AGBL4: variants seen among roughly 807,000 people sequenced by gnomAD.
AGBL4 encodes cytosolic carboxypeptidase 6.
Under a neutral mutation model 66.4 loss-of-function variants are expected in AGBL4, and 58 were observed. The ratio of observed to expected loss-of-function variants is 0.87; its 90% CI spans 0.71 to 1.09. AGBL4 has a LOEUF of 1.09. Among genes scored for constraint, AGBL4 ranks in the 50% least tolerant of loss-of-function variants. The probability of loss-of-function intolerance (pLI) is 0.00; values close to 1 mark genes in which losing one functional copy is unlikely to be tolerated. For synonymous variants in AGBL4, 234 were observed against 222.9 expected, an observed-to-expected ratio of 1.05 and a Z score of -0.44; for missense variants, 579 against 631.0, an observed-to-expected ratio of 0.92 and a Z score of 0.88.
intron 8 of AGBL4, 71 bp from the exon 9 acceptor site, chr1:48,634,675 T>G: frequency 9.4e-7 from 1 of 1,063,700 alleles, no homozygotes; most frequent in Non-Finnish European, 1.4e-6. Flanking sequence ...AAAATATGCT[T>G]ATGAGTAGGA....
intron 6 of AGBL4, among the ~76,000 whole-genome samples, chr1:48,772,583 G>T (rs1039039272): frequency 3.9e-5 from 6 of 152,162 alleles, no homozygotes; most frequent in African/African-American, 1.4e-4. Flanking sequence ...GATAGAGCTG[G>T]TCTAAGGAGG....
intron 3 of AGBL4, among the ~76,000 whole-genome samples, chr1:49,298,647 T>TC (rs1644687452): frequency 7.3e-6 from 1 of 137,750 alleles, no homozygotes; most frequent in African/African-American, 2.8e-5. Flanking sequence ...CCTCCCTCCC[T>TC]CCTCCTTCTT....
intron 5 of AGBL4, among the ~76,000 whole-genome samples, chr1:49,003,202 A>G (rs1266778842): frequency 6.6e-6 from 1 of 152,194 alleles, no homozygotes; most frequent in East Asian, 1.9e-4. Flanking sequence ...GTTCACGACC[A>G]CCCTGACTAA....
intron 2 of AGBL4, among the ~76,000 whole-genome samples, chr1:49,837,533 TCAAC>T (rs1645882205): frequency 4.6e-5 from 7 of 152,176 alleles, no homozygotes. Flanking sequence ...TCCACTAGTG[TCAAC>T]TATGACAATT....
At chr1:49,918,488 G>A (rs1386676863) in intron 1 of AGBL4, among the ~76,000 whole-genome samples, 4 of 152,164 alleles carry the variant, frequency 2.6e-5, no homozygotes, top group Admixed American at 2.0e-4. Flanking sequence ...AAATCTAGAA[G>A]AAATGGATAA....
chr1:49,970,730 C>CAA (rs1387888105), intron 1 of AGBL4, among the ~76,000 whole-genome samples: 2 of 126,604 alleles, frequency 1.6e-5, no homozygotes, highest in Non-Finnish European at 3.4e-5. Context: ...CACACACACA[C>CAA]ACACACACAC....
At chr1:49,314,335 A>G (rs186434790) in intron 3 of AGBL4, among the ~76,000 whole-genome samples, 1 of 152,010 alleles carries the variant, frequency 6.6e-6, no homozygotes, top group East Asian at 1.9e-4. Flanking sequence ...TGCACCTATT[A>G]ACTCGTCATC....
chr1:49,395,568 TTA>T (rs1012322067), intron 3 of AGBL4, among the ~76,000 whole-genome samples: 1 of 143,876 alleles, frequency 7.0e-6, no homozygotes, highest in Non-Finnish European at 1.5e-5. Context: ...GTGTGTGATA[TTA>T]TATATATACA....
At chr1:49,896,520 G>T (rs1649221361) in intron 1 of AGBL4, among the ~76,000 whole-genome samples, 1 of 151,056 alleles carries the variant, frequency 6.6e-6, no homozygotes, top group Non-Finnish European at 1.5e-5. Context: ...AAACTATTCT[G>T]AAAAAATAGA....
At chr1:49,488,151 T>G (rs1248394760) in intron 3 of AGBL4, among the ~76,000 whole-genome samples, 3 of 151,892 alleles carry the variant, frequency 2.0e-5, no homozygotes, top group Admixed American at 2.0e-4. Context: ...GTTAATATTT[T>G]GCCAGCTTCT....
At chr1:49,722,488 A>T (rs995576446) in intron 2 of AGBL4, among the ~76,000 whole-genome samples, 4 of 152,188 alleles carry the variant, frequency 2.6e-5, no homozygotes, top group Non-Finnish European at 5.9e-5. Context: ...ACATATTAAG[A>T]GCTATTAACC....
At chr1:49,821,827 G>A (rs979296106) in intron 2 of AGBL4, among the ~76,000 whole-genome samples, 2 of 152,182 alleles carry the variant, frequency 1.3e-5, no homozygotes, top group African/African-American at 4.8e-5. Flanking sequence ...GAATTCAGCT[G>A]TAGATTAATT....
At chr1:49,844,786 T>G in intron 2 of AGBL4, 1 of 1,575,728 alleles carries the variant, frequency 6.3e-7, no homozygotes, top group Non-Finnish European at 8.7e-7. Context: ...AAGATTCCTC[T>G]GGGATGGTCT....
chr1:49,483,737 A>G (rs1452090860), intron 3 of AGBL4, among the ~76,000 whole-genome samples: 1 of 151,938 alleles, frequency 6.6e-6, no homozygotes, highest in Non-Finnish European at 1.5e-5. Flanking sequence ...CAAAGTAAAC[A>G]TGGCCCAATG....
intron 1 of AGBL4, among the ~76,000 whole-genome samples, chr1:49,852,590 T>G (rs894157468): frequency 2.6e-5 from 4 of 152,068 alleles, no homozygotes; most frequent in Non-Finnish European, 5.9e-5. Context: ...AAAACAGCCT[T>G]ACACGACTAG....
chr1:49,915,987 CCTCCAGCAAA>C (rs1354396629), intron 1 of AGBL4, among the ~76,000 whole-genome samples: 1 of 152,116 alleles, frequency 6.6e-6, no homozygotes, highest in Non-Finnish European at 1.5e-5. Flanking sequence ...CTGGAGTGGA[CCTCCAGCAAA>C]CTCCAACAGA....
At chr1:49,698,723 T>C (rs958187329) in intron 2 of AGBL4, among the ~76,000 whole-genome samples, 1 of 152,110 alleles carries the variant, frequency 6.6e-6, no homozygotes, top group Admixed American at 6.6e-5. Context: ...TAACAAGAAG[T>C]TGAAAAGGTA....
intron 6 of AGBL4, among the ~76,000 whole-genome samples, chr1:48,789,752 C>A (rs1645500928): frequency 1.3e-5 from 2 of 152,142 alleles, no homozygotes; most frequent in South Asian, 4.1e-4. Flanking sequence ...ATAGGAAGAA[C>A]TTTAAGGTCC....
chr1:48,994,565 C>T (rs1163771766), intron 5 of AGBL4, among the ~76,000 whole-genome samples: 1 of 152,100 alleles, frequency 6.6e-6, no homozygotes, highest in Non-Finnish European at 1.5e-5. Flanking sequence ...CTACATTTGG[C>T]CAAGTAGTGG....
Sources: allele counts gnomAD v4.1 joint callset (sites outside exome capture counted in the v4.1 genomes callset), GRCh38; gene constraint gnomAD v4.1.1; transcripts MANE v1.5; gene names NCBI Gene and HGNC (gene_info 2026-07-23, HGNC 2026-07-21).